Variants in SORCS2 observed in about 807,000 individuals in gnomAD.
SORCS2 encodes sortilin related VPS10 domain containing receptor 2, also known as VPS10 domain-containing receptor SorCS2.
A neutral mutation model predicts 141.6 loss-of-function variants in SORCS2; 100 were observed. That is an observed-to-expected ratio of 0.71 (90% CI 0.60 to 0.83). SORCS2 has a LOEUF of 0.83. SORCS2 is among the 40% of genes least tolerant of loss of function. The pLI is 0.00. For missense variants in SORCS2, 1,646 were observed against 1,560.2 expected (o/e 1.05, Z -0.93); for synonymous variants, 789 against 676.9 (o/e 1.17, Z -2.57).
At chr4:7,224,654 A>T (rs920146923) in intron 1 of SORCS2, among the ~76,000 whole-genome samples, 1 of 151,996 alleles carries the variant, frequency 6.6e-6, no homozygotes, top group Non-Finnish European at 1.5e-5. Context: ...CATCCCCGTG[A>T]CCTCCCCCCA....
chr4:7,418,933 C>T (rs1048450342), intron 2 of SORCS2, among the ~76,000 whole-genome samples: 1 of 152,190 alleles, frequency 6.6e-6, no homozygotes, highest in Non-Finnish European at 1.5e-5. Context: ...TCTTATCCTC[C>T]AGCAGGTTAG....
At chr4:7,642,833 T>C (rs1045330551) in intron 4 of SORCS2, among the ~76,000 whole-genome samples, 1 of 152,180 alleles carries the variant, frequency 6.6e-6, no homozygotes, top group Non-Finnish European at 1.5e-5. Context: ...GAGAGCACAC[T>C]ATTCTCATGA....
chr4:7,605,804 G>A (rs377193887), intron 3 of SORCS2, among the ~76,000 whole-genome samples: 2 of 152,104 alleles, frequency 1.3e-5, no homozygotes, highest in Non-Finnish European at 1.5e-5. Context: ...GGTCTTGGGG[G>A]TGAGGAGCAG....
chr4:7,417,031 G>A (rs1725746144), intron 2 of SORCS2, among the ~76,000 whole-genome samples: 1 of 152,204 alleles, frequency 6.6e-6, no homozygotes, highest in South Asian at 2.1e-4. Context: ...GCATTAAAGT[G>A]ACATTCTGCC....
chr4:7,495,554 C>T (rs964169628), intron 2 of SORCS2, among the ~76,000 whole-genome samples: 2 of 152,188 alleles, frequency 1.3e-5, no homozygotes, highest in Admixed American at 6.5e-5. Flanking sequence ...TTGGCACCCT[C>T]GTCAGGCCCC....
intron 3 of SORCS2, among the ~76,000 whole-genome samples, chr4:7,558,438 T>C (rs1714291225): frequency 6.6e-6 from 1 of 152,134 alleles, no homozygotes; most frequent in South Asian, 2.1e-4. Flanking sequence ...AAACTACCAC[T>C]TTGGGCTGAG....
chr4:7,544,042 A>G (rs1176162224), intron 3 of SORCS2, among the ~76,000 whole-genome samples: 5 of 145,896 alleles, frequency 3.4e-5, no homozygotes, highest in South Asian at 2.2e-4. Context: ...CCACCCACCC[A>G]TCCATCCAGC....
At chr4:7,212,768 T>G (rs553571838) in intron 1 of SORCS2, among the ~76,000 whole-genome samples, 1 of 152,342 alleles carries the variant, frequency 6.6e-6, no homozygotes, top group African/African-American at 2.4e-5. Context: ...CACCCAACCC[T>G]GCAGCCAGGG....
chr4:7,547,023 GT>G (rs904186462), intron 3 of SORCS2, among the ~76,000 whole-genome samples: 2 of 152,130 alleles, frequency 1.3e-5, no homozygotes, highest in African/African-American at 4.8e-5. Flanking sequence ...GCTGCTGCCT[GT>G]TTTTTAACAA....
chr4:7,552,601 AT>A (rs1327418960), intron 3 of SORCS2, among the ~76,000 whole-genome samples: 1 of 152,224 alleles, frequency 6.6e-6, no homozygotes, highest in Non-Finnish European at 1.5e-5. Flanking sequence ...GAGAAAGCTC[AT>A]GGAGCAGGGA....
chr4:7,657,549 GTGAA>G (rs567233256), intron 5 of SORCS2, among the ~76,000 whole-genome samples: 318 of 152,316 alleles, frequency 2.1e-3, no homozygotes, highest in Non-Finnish European at 3.6e-3. Flanking sequence ...GAATGAATGA[GTGAA>G]TGAATGAGTG....
intron 1 of SORCS2, among the ~76,000 whole-genome samples, chr4:7,350,104 C>T (rs762806137): frequency 6.6e-6 from 1 of 151,972 alleles, no homozygotes; most frequent in Non-Finnish European, 1.5e-5. Flanking sequence ...TATTTTCATG[C>T]ATTTTTCTGC....
rs562144942 is a variant in SORCS2 at position 7,676,208 on chromosome 4, C to A, written c.1320C>A (p.Ser440Arg). 6 of 1,551,334 alleles carry A rather than the reference C, an allele frequency of 3.9e-6. No individual in the cohort carries two copies. The African/African-American group carries it at 6.8e-5, about 18-fold the overall frequency. Residue 440 changes from serine to arginine, a missense_variant, in exon 9 of 27, where the codon AGC becomes AGA. Transcript: ENST00000507866. The part of the protein sequence containing the change: ...DVRSSRQAEE[S>R]VLIDILEVRG... ...GCAGCTCACGGCAGGCGGAGGAGAG[C>A]GTGCTCATCGACATCCTGGAGGTGG...
chr4:7,538,288 G>T (rs973511907), intron 3 of SORCS2, among the ~76,000 whole-genome samples: 5 of 152,324 alleles, frequency 3.3e-5, no homozygotes, highest in Admixed American at 1.3e-4. Context: ...AGAATCAGCA[G>T]TCCCTGGCCT....
intron 10 of SORCS2, among the ~76,000 whole-genome samples, chr4:7,683,356 TG>T (rs1723671644): frequency 3.5e-5 from 5 of 143,840 alleles, no homozygotes; most frequent in African/African-American, 1.4e-4. Context: ...GCGGCTCTGC[TG>T]ATCTTGTCTG....
At chr4:7,541,317 C>T (rs977043213) in intron 3 of SORCS2, among the ~76,000 whole-genome samples, 4 of 152,256 alleles carry the variant, frequency 2.6e-5, no homozygotes, top group Non-Finnish European at 5.9e-5. Context: ...ACCCCAGGAC[C>T]TGGGCACATG....
intron 9 of SORCS2, among the ~76,000 whole-genome samples, chr4:7,677,136 C>G (rs1033460807): frequency 1.3e-5 from 2 of 152,094 alleles, no homozygotes; most frequent in African/African-American, 4.8e-5. Context: ...TCACCACCTA[C>G]GAAGCTCTGG....
At chr4:7,729,309 C>T (rs895930835) in intron 22 of SORCS2, among the ~76,000 whole-genome samples, 6 of 152,048 alleles carry the variant, frequency 3.9e-5, no homozygotes, top group African/African-American at 1.4e-4. Flanking sequence ...TAGTCATGGT[C>T]TGAAGAATGG....
chr4:7,322,932 T>G lies in SORCS2; in HGVS notation c.481-73356T>G, dbSNP rs138929141. 1.5e-4 allele frequency among the ~76,000 whole-genome samples: 22 copies of G among 151,676 alleles called. No homozygotes were observed. In the East Asian group the frequency reaches 1.6e-3, roughly 11 times the overall value. On this transcript the variant is annotated intron_variant, in intron 1 of 26. Transcript: ENST00000507866. ...CACCCCCATCCAGACTGTTTCAGTT[T>G]CTGCTGAAATCTACTAGGGCCTTGA...
Sources: allele counts gnomAD v4.1 joint callset (sites outside exome capture counted in the v4.1 genomes callset), GRCh38; gene constraint gnomAD v4.1.1; transcripts MANE v1.5; gene names NCBI Gene and HGNC (gene_info 2026-07-23, HGNC 2026-07-21).